The following CADM4 variants were observed in gnomAD, a reference collection of about 807,000 sequenced individuals.
The protein encoded by CADM4 is cell adhesion molecule 4, also known as TSLC1-like 2.
In CADM4, 13 loss-of-function variants were observed where a neutral mutation model predicts 43.9. That is an observed-to-expected ratio of 0.30 (90% CI 0.19 to 0.47). CADM4 has a LOEUF of 0.47. Among genes scored for constraint, CADM4 ranks in the 20% least tolerant of loss-of-function variants. The pLI, the probability that CADM4 is intolerant of heterozygous loss-of-function variation, is 1.00. For missense variants in CADM4, 420 were observed against 527.0 expected (o/e 0.80, Z 1.99); for synonymous variants, 209 against 220.9 (o/e 0.95, Z 0.48).
At chr19:43,624,367 C>G in intron 7 of CADM4, 125 bp from the exon 8 acceptor site, 1 of 1,178,770 alleles carries the variant, frequency 8.5e-7, no homozygotes, top group South Asian at 1.5e-5. Flanking sequence ...CCACACCCCT[C>G]AAAAATTACT....
At position 43,630,287 on chromosome 19, in the gene CADM4, T is replaced by TTTC. The variant is rs1555776962; in HGVS notation, c.65-2498_65-2497insGAA. On this transcript the variant is annotated intron_variant, in intron 1 of 8. Coordinates refer to ENST00000222374, the MANE Select transcript of CADM4 (RefSeq NM_145296.2). ...CCATTTCCATTTTTCTTTTCTTTTT[T>TTTC]TTTTTTTTTTTTTTTTGAGACATTG... Among the ~76,000 whole-genome samples, 46 of 136,992 alleles carry TTTC rather than the reference T, an allele frequency of 3.4e-4. 1 individual carries two copies. The highest frequency in any genetic ancestry group is 1.9e-4 in the Non-Finnish European group (12 of 64,374). The allele number at this position is 136,992 out of a possible 152,430, so 89.9% of individuals were successfully genotyped here.
upstream of CADM4, among the ~76,000 whole-genome samples, chr19:43,641,385 A>G (rs1054106566): frequency 1.3e-5 from 2 of 152,110 alleles, no homozygotes; most frequent in African/African-American, 4.8e-5. Context: ...TCTGACCTCA[A>G]AACCATAGCT....
chr19:43,633,450 T>C (rs957927992), intron 1 of CADM4, among the ~76,000 whole-genome samples: 5 of 152,210 alleles, frequency 3.3e-5, no homozygotes, highest in African/African-American at 4.8e-5. Flanking sequence ...ATTAATTTGC[T>C]TATTTGTTTA....
Position 43,627,788 on chromosome 19 carries a change from C to A in CADM4, c.67G>T (p.Ala23Ser), listed in dbSNP as rs1332530794. 8 of 1,606,390 alleles carry A rather than the reference C, an allele frequency of 5.0e-6. No homozygotes were observed. Among genetic ancestry groups the A allele is most frequent in the Non-Finnish European group, 6.8e-6 (8 of 1,173,966 alleles). Reference sequence around the variant, plus strand: ...TTCTCTGTCTGTACTTCCTGTCCTGCCCCTGGACGATTAGACAAAGAGACA... The same window carrying A: ...TTCTCTGTCTGTACTTCCTGTCCTGACCCTGGACGATTAGACAAAGAGACA... Reference protein sequence around the residue: ...LLWAAAAGPGAGQEVQTENVT... With the variant: ...LLWAAAAGPGSGQEVQTENVT... The change falls in exon 2 of 9, where the codon GCA becomes TCA. Residue 23 changes from alanine to serine, a missense_variant and splice_region_variant. By Grantham distance (99) the Ala-to-Ser change is moderately conservative. Transcript: ENST00000222374. The surrounding 1 kb of genome is among the most constrained non-coding windows in gnomAD (Gnocchi z 4.0).
chr19:43,631,139 G>C (rs1157723845), intron 1 of CADM4, among the ~76,000 whole-genome samples: 1 of 152,032 alleles, frequency 6.6e-6, no homozygotes. Flanking sequence ...TCAGGAGTTC[G>C]AGACCAGCCT....
At chr19:43,637,293 A>G (rs1973717245) in intron 1 of CADM4, among the ~76,000 whole-genome samples, 1 of 152,216 alleles carries the variant, frequency 6.6e-6, no homozygotes, top group African/African-American at 2.4e-5. Context: ...TAAGAGAGAA[A>G]TGTGGGAACA....
rs186660154 is a variant in CADM4, at chr19:43,637,203, C to G, written c.64+2524G>C. Reference sequence around the variant, plus strand: ...GATGAATGAACCAGGAGAGAGAGAACATGTTTTTAAAATGGCGCAAATGCA... The same window carrying G: ...GATGAATGAACCAGGAGAGAGAGAAGATGTTTTTAAAATGGCGCAAATGCA... On this transcript the variant is annotated intron_variant, in intron 1 of 8. Coordinates refer to ENST00000222374, the MANE Select transcript of CADM4 (RefSeq NM_145296.2). Among the ~76,000 whole-genome samples, 52 of 152,222 alleles carry G rather than the reference C, an allele frequency of 3.4e-4. No homozygotes were observed. The East Asian group carries it at 9.6e-3, about 28-fold the overall frequency.
In CADM4 at chr19:43,627,111, G is replaced by A; in HGVS notation, c.364+55C>T. 1 of 1,515,612 alleles carries A rather than the reference G, an allele frequency of 6.6e-7. No homozygotes were observed. The highest frequency in any genetic ancestry group is 1.8e-4 in the Middle Eastern group (1 of 5,602). 93.9% of individuals were successfully genotyped at this position (1,515,612 alleles called of 1,614,324 possible). ...ATGGTCTGAAAGTCTCAGGAGAAGA[G>A]AGAAGCAGAGAAGAAAGGAGGAGAG... On this transcript the variant is annotated intron_variant, in intron 3 of 8. Transcript: ENST00000222374. The surrounding 1 kb of genome is among the most constrained non-coding windows in gnomAD (Gnocchi z 4.0).
In CADM4 at chr19:43,626,071, G is replaced by C; in HGVS notation, c.664+53C>G. On this transcript the variant is annotated intron_variant, in intron 5 of 8. Coordinates refer to ENST00000222374, the MANE Select transcript of CADM4 (RefSeq NM_145296.2). The surrounding 1 kb of genome is among the most constrained non-coding windows in gnomAD (Gnocchi z 5.9). The stretch of plus-strand genomic sequence containing the variant: ...CGCAGGACAAGGGGGACCCTCGCGG[G>C]TGCGGGTGGCTGGCGTTGGGATCCC... The C allele has an allele frequency of 1.2e-6, 2 of 1,612,124 alleles. No homozygotes were observed. The highest frequency in any genetic ancestry group is 1.7e-6 in the Non-Finnish European group (2 of 1,178,774).
chr19:43,633,569 A>ATAAGTGTCT (rs1442821343), intron 1 of CADM4, among the ~76,000 whole-genome samples: 3 of 152,222 alleles, frequency 2.0e-5, no homozygotes, highest in South Asian at 4.1e-4. Context: ...TTGGCACCTG[A>ATAAGTGTCT]TAAGTGTCTG....
At chr19:43,628,434 C>CAA (rs35900635) in intron 1 of CADM4, among the ~76,000 whole-genome samples, 30 of 134,618 alleles carry the variant, frequency 2.2e-4, no homozygotes, top group Middle Eastern at 7.7e-3. Context: ...GACTCTGTCT[C>CAA]AAAAAAAAAA....
chr19:43,625,290 G>A lies in CADM4; in HGVS notation c.756-40C>T. ...AGTATAGTGAGAGTTAGGAACCGAG[G>A]TGCCAGCACCCAATTCTGACTTGTC... is the stretch of plus-strand genomic sequence containing the variant. On this transcript the variant is annotated intron_variant, in intron 6 of 8. Transcript: ENST00000222374. This position sits in a 1 kb window ranked among gnomAD's most constrained non-coding sequence, Gnocchi z 4.5. 6.3e-7 allele frequency: 1 copy of A among 1,577,356 alleles called. No homozygotes were observed. Among genetic ancestry groups the A allele is most frequent in the Non-Finnish European group, 8.6e-7 (1 of 1,157,436 alleles).
chr19:43,636,416 A>G (rs538557655), intron 1 of CADM4, among the ~76,000 whole-genome samples: 2 of 152,020 alleles, frequency 1.3e-5, no homozygotes, highest in South Asian at 4.2e-4. Context: ...AGTGCCCTCT[A>G]TTCACCCCCT....
In CADM4 at chr19:43,625,334, C is replaced by T; in HGVS notation, c.756-84G>A. The T allele has an allele frequency of 1.4e-6, 2 of 1,384,592 alleles. No homozygotes were observed. The highest frequency in any genetic ancestry group is 2.7e-5 in the South Asian group (2 of 73,850). The allele number at this position is 1,384,592 out of a possible 1,614,324, so 85.8% of individuals were successfully genotyped here. On this transcript the variant is annotated intron_variant, in intron 6 of 8. Transcript: ENST00000222374. The surrounding 1 kb of genome is among the most constrained non-coding windows in gnomAD (Gnocchi z 4.5). ...ACTTGTCAAGAATCTAGACATGCAA[C>T]TCTCATCCCGCAGGGACCTCCAAAT...
Position 43,627,431 on chromosome 19 carries a change from T to C in CADM4, c.212-113A>G. Reference sequence around the variant, plus strand: ...TCTGCCTCTTTTCTCCAGCCATATCTATGAGTCTGAGGTGTCCAACTATTT... The same window carrying C: ...TCTGCCTCTTTTCTCCAGCCATATCCATGAGTCTGAGGTGTCCAACTATTT... On this transcript the variant is annotated intron_variant, in intron 2 of 8. Transcript: ENST00000222374. The surrounding 1 kb of genome is among the most constrained non-coding windows in gnomAD (Gnocchi z 4.0). 7.4e-7 allele frequency: 1 copy of C among 1,343,928 alleles called. No homozygotes were observed. The highest frequency in any genetic ancestry group is 1.0e-6 in the Non-Finnish European group (1 of 1,001,134). The allele number at this position is 1,343,928 out of a possible 1,614,324, so 83.3% of individuals were successfully genotyped here.
chr19:43,625,071 C>T lies in CADM4; in HGVS notation c.928+7G>A. ...CCCGCCCTCAGTCGGCCGCAGCCTG[C>T]TCTCACCGTAGACCACAAGTACGTA... On this transcript the variant is annotated splice_region_variant and intron_variant, in intron 7 of 8. Coordinates refer to ENST00000222374, the MANE Select transcript of CADM4 (RefSeq NM_145296.2). The surrounding 1 kb of genome is among the most constrained non-coding windows in gnomAD (Gnocchi z 4.5). 1.3e-6 allele frequency: 2 copies of T among 1,577,186 alleles called. No homozygotes were observed. Among genetic ancestry groups the T allele is most frequent in the Non-Finnish European group, 1.7e-6 (2 of 1,162,128 alleles).
chr19:43,636,891 T>A (rs1188218365), intron 1 of CADM4, among the ~76,000 whole-genome samples: 2 of 152,104 alleles, frequency 1.3e-5, no homozygotes, highest in East Asian at 3.9e-4. Flanking sequence ...GTCAGAATTT[T>A]AGCAGGAAAA....
Position 43,626,755 on chromosome 19 carries a change from A to C in CADM4, c.499+29T>G, listed in dbSNP as rs1439992034. The C allele has an allele frequency of 3.2e-6, 5 of 1,539,444 alleles. No homozygotes were observed. The highest frequency in any genetic ancestry group is 4.4e-6 in the Non-Finnish European group (5 of 1,139,946). On this transcript the variant is annotated intron_variant, in intron 4 of 8. Coordinates refer to ENST00000222374, the MANE Select transcript of CADM4 (RefSeq NM_145296.2). The surrounding 1 kb of genome is among the most constrained non-coding windows in gnomAD (Gnocchi z 5.9). ...CTCTCCTAAGTCCCACCTCCTCCCCATCCCTTGTCAGCACTCGGCCCAGGG... is the reference window on the plus strand; with the variant it reads ...CTCTCCTAAGTCCCACCTCCTCCCCCTCCCTTGTCAGCACTCGGCCCAGGG...
In CADM4 at chr19:43,626,080, G is replaced by A. The variant is rs1394418664; in HGVS notation, c.664+44C>T. On this transcript the variant is annotated intron_variant, in intron 5 of 8. Coordinates refer to ENST00000222374, the MANE Select transcript of CADM4 (RefSeq NM_145296.2). The surrounding 1 kb of genome is among the most constrained non-coding windows in gnomAD (Gnocchi z 5.9). ...AGGGGGACCCTCGCGGGTGCGGGTG[G>A]CTGGCGTTGGGATCCCTTGGGTCCT... The A allele has an allele frequency of 1.2e-6, 2 of 1,611,670 alleles. No homozygotes were observed. The highest frequency in any genetic ancestry group is 3.3e-5 in the Admixed American group (2 of 59,752).
Sources: gnomAD v4.1 joint callset for allele counts (sites outside exome capture counted in the v4.1 genomes callset) on GRCh38, gnomAD v4.1.1 for gene constraint, Gnocchi (gnomAD v3.1) non-coding constraint, MANE v1.5 for transcripts, NCBI Gene and HGNC (gene_info 2026-07-23, HGNC 2026-07-21) for gene names.